Variants in NLRC4 observed in about 807,000 individuals in gnomAD.
The protein encoded by NLRC4 is NLR family CARD domain containing 4, also known as NLR family CARD domain-containing protein 4.
Under a neutral mutation model 79.9 loss-of-function variants are expected in NLRC4, and 63 were observed. That is an observed-to-expected ratio of 0.79 (90% CI 0.64 to 0.97). The LOEUF (loss-of-function observed/expected upper bound fraction) is 0.97, where lower values mean the gene tolerates loss of function less well. NLRC4 is among the 50% of genes least tolerant of loss of function. The pLI is 0.00. For missense variants in NLRC4, 1,074 were observed against 1,215.2 expected (o/e 0.88, Z 1.73); for synonymous variants, 461 against 456.5 (o/e 1.01, Z -0.12).
intron 1 of NLRC4, 25 bp downstream of exon 1, chr2:32,264,713 A>G (rs1037671765): frequency 2.0e-5 from 3 of 152,132 alleles, no homozygotes; most frequent in Admixed American, 1.3e-4. Context: ...GACCTTAAAA[A>G]TCCCATTCTC....
At chr2:32,236,792 C>T (rs1189808083) in intron 6 of NLRC4, among the ~76,000 whole-genome samples, 1 of 151,976 alleles carries the variant, frequency 6.6e-6, no homozygotes, top group Non-Finnish European at 1.5e-5. Flanking sequence ...GTTTTGTGTA[C>T]CTCAACTTAG....
chr2:32,255,042 C>T (rs965468436), intron 2 of NLRC4, among the ~76,000 whole-genome samples: 2 of 151,876 alleles, frequency 1.3e-5, no homozygotes, highest in Non-Finnish European at 2.9e-5. Flanking sequence ...CCACCCCAGC[C>T]GTCCTTTCTC....
rs1371322972 is a variant in NLRC4, at chr2:32,250,914, A to G, written c.950T>C (p.Leu317Pro). The change falls in exon 4 of 9, where the codon CTT becomes CCT. Residue 317 changes from leucine to proline, a missense_variant. Physicochemically the swap from Leu to Pro is moderately conservative, Grantham distance 98. Coordinates refer to ENST00000402280, the MANE Select transcript of NLRC4 (RefSeq NM_001199138.2). The surrounding 1 kb of genome is among the most constrained non-coding windows in gnomAD (Gnocchi z 4.9). ...AATTTGGAGCAACAAGCCTTCAGCA[A>G]GCTCCTTGATCAGCACTTCTCGGAT... The part of the protein sequence containing the change: ...ALIREVLIKE[L>P]AEGLLLQIQK... 2.5e-6 allele frequency: 4 copies of G among 1,614,028 alleles called. No homozygotes were observed. The Admixed American group carries it at 5.0e-5, about 20-fold the overall frequency.
Position 32,252,814 on chromosome 2 carries a change from C to T in NLRC4, c.2-135G>A, listed in dbSNP as rs889372709. The T allele has an allele frequency of 5.4e-5, 35 of 650,620 alleles. 1 individual carries two copies. Among genetic ancestry groups the T allele is most frequent in the South Asian group, 5.0e-4 (27 of 54,070 alleles). 40.3% of individuals were successfully genotyped at this position (650,620 alleles called of 1,614,324 possible). ...CGGGCAGATCACGAGGTCAGGAGAT[C>T]GAGACCATCCTGGCTAACACAGTGA... is the stretch of plus-strand genomic sequence containing the variant. On this transcript the variant is annotated intron_variant, in intron 2 of 8. Coordinates refer to ENST00000402280, the MANE Select transcript of NLRC4 (RefSeq NM_001199138.2).
At chr2:32,233,349 ATTTT>A (rs1176305976) in intron 8 of NLRC4, among the ~76,000 whole-genome samples, 857 of 40,940 alleles carry the variant, frequency 0.021, 4 homozygotes, top group African/African-American at 0.047. Flanking sequence ...ATATATATAT[ATTTT>A]TTTTTTTTTT....
intron 1 of NLRC4, among the ~76,000 whole-genome samples, chr2:32,261,139 G>A (rs1424405137): frequency 6.7e-6 from 1 of 150,098 alleles, no homozygotes; most frequent in African/African-American, 2.5e-5. Context: ...CTTGCAGTGA[G>A]CCGAGATCGC....
chr2:32,254,292 A>G (rs1687153463), intron 2 of NLRC4, among the ~76,000 whole-genome samples: 1 of 152,024 alleles, frequency 6.6e-6, no homozygotes, highest in African/African-American at 2.4e-5. Context: ...AACTCAATAT[A>G]TGTTAGCTAC....
In NLRC4 at chr2:32,251,388, T is replaced by C. The variant is rs200238071; in HGVS notation, c.476A>G (p.Gln159Arg). Residue 159 changes from glutamine (Q) to arginine (R), a missense_variant, in exon 4 of 9, where the codon CAG (glutamine) becomes CGG (arginine). By Grantham distance (43) the Gln-to-Arg change is conservative. Coordinates refer to ENST00000402280, the MANE Select transcript of NLRC4 (RefSeq NM_001199138.2). Reference sequence around the variant, plus strand: ...AATGATGCAGGGGCTCTGAAGAGCCTGCAGGAGGCCATTCAGGGTCAGCTG... The same window carrying C: ...AATGATGCAGGGGCTCTGAAGAGCCCGCAGGAGGCCATTCAGGGTCAGCTG... ...VEQLTLNGLLQALQSPCIIEG... is the reference protein window; with the variant it reads ...VEQLTLNGLLRALQSPCIIEG... 14 of 1,614,152 alleles carry C rather than the reference T, an allele frequency of 8.7e-6. No individual in the cohort carries two copies. The East Asian group carries it at 3.1e-4, about 36-fold the overall frequency.
chr2:32,262,037 C>T (rs934724214), intron 1 of NLRC4, among the ~76,000 whole-genome samples: 21 of 152,062 alleles, frequency 1.4e-4, no homozygotes, highest in African/African-American at 3.9e-4. Flanking sequence ...GCCGAGATTG[C>T]GCCACTGCAC....
At chr2:32,249,407 A>G (rs1303702340) in intron 4 of NLRC4, among the ~76,000 whole-genome samples, 200 bp downstream of exon 4, 1 of 152,214 alleles carries the variant, frequency 6.6e-6, no homozygotes, top group Non-Finnish European at 1.5e-5. Context: ...CCCATTCAAC[A>G]TAAAGTGTCT....
chr2:32,263,769 C>A (rs1687404509), intron 1 of NLRC4, among the ~76,000 whole-genome samples: 1 of 152,126 alleles, frequency 6.6e-6, no homozygotes. Flanking sequence ...GTTGTTTAAG[C>A]CACCCAGTCT....
At chr2:32,252,362 T>A in intron 3 of NLRC4, 57 bp downstream of exon 3, 1 of 1,314,072 alleles carries the variant, frequency 7.6e-7, no homozygotes, top group Non-Finnish European at 1.1e-6. Context: ...GGAAGATGGA[T>A]CTTTGTTGTG....
intron 4 of NLRC4, among the ~76,000 whole-genome samples, chr2:32,246,883 C>T (rs1412533638): frequency 6.6e-6 from 1 of 152,178 alleles, no homozygotes; most frequent in Non-Finnish European, 1.5e-5. Flanking sequence ...TCAAGTGATC[C>T]TCCCACCTCA....
rs764698094 is a variant in NLRC4 at position 32,241,164 on chromosome 2, T to C, written c.2258-39A>G. The C allele has an allele frequency of 8.1e-6, 10 of 1,236,106 alleles. No homozygotes were observed. In the East Asian group the frequency reaches 1.4e-4, roughly 17 times the overall value. The allele number at this position is 1,236,106 out of a possible 1,614,324, so 76.6% of individuals were successfully genotyped here. On this transcript the variant is annotated intron_variant, in intron 4 of 8. Coordinates refer to ENST00000402280, the MANE Select transcript of NLRC4 (RefSeq NM_001199138.2). Reference sequence around the variant, plus strand: ...AAAGATTGGACTCTTTCAGCAGATATTTGCTATTTACTATGTCATTTACTA... The same window carrying C: ...AAAGATTGGACTCTTTCAGCAGATACTTGCTATTTACTATGTCATTTACTA...
intron 3 of NLRC4, 152 bp from the exon 4 acceptor site, chr2:32,251,753 G>C (rs1187889484): frequency 2.4e-5 from 14 of 578,804 alleles, no homozygotes; most frequent in Non-Finnish European, 4.0e-5. Context: ...AAAGGGTTCT[G>C]TCTGCTCCCC....
chr2:32,232,795 T>C (rs1399757894), intron 8 of NLRC4, among the ~76,000 whole-genome samples: 2 of 152,080 alleles, frequency 1.3e-5, no homozygotes, highest in Non-Finnish European at 2.9e-5. Flanking sequence ...AAAGAACTGG[T>C]GATTAGGAGT....
chr2:32,248,148 ATAAT>A (rs1476747544), intron 4 of NLRC4, among the ~76,000 whole-genome samples: 2 of 152,200 alleles, frequency 1.3e-5, no homozygotes, highest in African/African-American at 2.4e-5. Context: ...ATAAAAATAA[ATAAT>A]AAATAATAAA....
intron 4 of NLRC4, among the ~76,000 whole-genome samples, chr2:32,247,334 G>C (rs1172080000): frequency 7.1e-6 from 1 of 140,796 alleles, no homozygotes; most frequent in East Asian, 2.0e-4. Flanking sequence ...TTTTTTTTTA[G>C]ACAGAGTTTC....
chr2:32,247,611 C>T (rs1217929517), intron 4 of NLRC4, among the ~76,000 whole-genome samples: 3 of 151,690 alleles, frequency 2.0e-5, no homozygotes, highest in Non-Finnish European at 4.4e-5. Context: ...AGTATATTTA[C>T]ATTTTTAATA....
Sources: allele counts gnomAD v4.1 joint callset (sites outside exome capture counted in the v4.1 genomes callset), GRCh38; gene constraint gnomAD v4.1.1; non-coding constraint Gnocchi (gnomAD v3.1); transcripts MANE v1.5; gene names NCBI Gene and HGNC (gene_info 2026-07-23, HGNC 2026-07-21).